PPP3CA: variants seen among roughly 807,000 people sequenced by gnomAD.
The protein encoded by PPP3CA is CAM-PRP catalytic subunit.
A neutral mutation model predicts 66.5 loss-of-function variants in PPP3CA; 14 were observed. The ratio of observed to expected loss-of-function variants is 0.21; its 90% CI spans 0.14 to 0.33. PPP3CA has a LOEUF of 0.33. PPP3CA is among the 10% of genes least tolerant of loss of function. PPP3CA has a pLI of 1.00. For synonymous variants in PPP3CA, 232 were observed against 226.2 expected (o/e 1.03, Z -0.23); for missense variants, 317 against 639.5 (o/e 0.50, Z 5.44).
chr4:101,240,642 C>T (rs1726275383), intron 1 of PPP3CA, among the ~76,000 whole-genome samples: 1 of 152,010 alleles, frequency 6.6e-6, no homozygotes, highest in African/African-American at 2.4e-5. Flanking sequence ...TAAAAAGACA[C>T]ATCAGAATTT....
At chr4:101,138,952 G>A (rs73833224) in intron 2 of PPP3CA, among the ~76,000 whole-genome samples, 13,709 of 152,110 alleles carry the variant, frequency 0.09, 1,149 homozygotes, top group East Asian at 0.3. Flanking sequence ...AACCTAACAT[G>A]TGAAAAACAC....
chr4:101,237,784 C>G (rs1726175103), intron 1 of PPP3CA, among the ~76,000 whole-genome samples: 1 of 152,096 alleles, frequency 6.6e-6, no homozygotes, highest in Admixed American at 6.6e-5. Context: ...GCCAGATCCC[C>G]TAGTCAGGAT....
chr4:101,224,402 T>A (rs890637712), intron 1 of PPP3CA, among the ~76,000 whole-genome samples: 7 of 151,886 alleles, frequency 4.6e-5, no homozygotes, highest in African/African-American at 1.7e-4. Context: ...CTTTACTCCT[T>A]CTTCTCTGCA....
At chr4:101,153,708 G>C (rs1294065795) in intron 2 of PPP3CA, among the ~76,000 whole-genome samples, 1 of 152,088 alleles carries the variant, frequency 6.6e-6, no homozygotes, top group Non-Finnish European at 1.5e-5. Context: ...AAAACAAACA[G>C]CTCCCACAGG....
At chr4:101,174,271 C>T (rs1412132523) in intron 2 of PPP3CA, among the ~76,000 whole-genome samples, 1 of 151,930 alleles carries the variant, frequency 6.6e-6, no homozygotes, top group Non-Finnish European at 1.5e-5. Context: ...AAAATTGGCT[C>T]TTTTGAAACA....
intron 1 of PPP3CA, among the ~76,000 whole-genome samples, chr4:101,200,602 C>CT (rs772296880): frequency 6.6e-6 from 1 of 152,154 alleles, no homozygotes; most frequent in East Asian, 1.9e-4. Flanking sequence ...TATTTTCCTC[C>CT]TTTTTTTCCC....
chr4:101,199,817 A>G (rs1303245499), intron 1 of PPP3CA, among the ~76,000 whole-genome samples: 2 of 152,204 alleles, frequency 1.3e-5, no homozygotes, highest in African/African-American at 2.4e-5. Flanking sequence ...GAGTTTATCT[A>G]TCTGATACGG....
intron 1 of PPP3CA, among the ~76,000 whole-genome samples, chr4:101,288,637 T>C (rs1172870022): frequency 1.3e-5 from 2 of 151,440 alleles, no homozygotes; most frequent in Admixed American, 1.3e-4. Flanking sequence ...AATAACAAAA[T>C]AGTGCTACCA....
intron 1 of PPP3CA, among the ~76,000 whole-genome samples, chr4:101,324,252 G>A (rs1007950012): frequency 2.0e-5 from 3 of 151,026 alleles, no homozygotes; most frequent in Admixed American, 6.6e-5. Flanking sequence ...GGAAGGAAAC[G>A]AAACAGAGGC....
chr4:101,347,338 C>CTGCCGCTGCCGCTGT lies in PPP3CA; in HGVS notation c.-557_-543dup, dbSNP rs1159328830. On this transcript the variant is annotated 5_prime_UTR_variant, in exon 1 of 14. Transcript: ENST00000394854. ...GCGGCCGCCGCTGCTGCCGCTGCTG[C>CTGCCGCTGCCGCTGT]TGCCGCTGCCGCTGTTGCTGCTGCC... 3.9e-5 allele frequency: 8 copies of CTGCCGCTGCCGCTGT among 204,286 alleles called. No individual in the cohort carries two copies. The highest frequency in any genetic ancestry group is 2.1e-4 in the South Asian group (3 of 14,550). The allele number at this position is 204,286 out of a possible 1,614,324, so 12.7% of individuals were successfully genotyped here. A position where few individuals can be genotyped will look rare whatever the true frequency, so the allele number is the denominator to read the frequency against.
chr4:101,125,830 C>A (rs933307454), intron 2 of PPP3CA, among the ~76,000 whole-genome samples: 7 of 152,138 alleles, frequency 4.6e-5, no homozygotes, highest in African/African-American at 1.7e-4. Context: ...ATTTATATTA[C>A]AGATCTAAAT....
intron 10 of PPP3CA, among the ~76,000 whole-genome samples, chr4:101,040,883 C>T (rs1212354366): frequency 2.0e-5 from 3 of 152,084 alleles, no homozygotes; most frequent in African/African-American, 7.2e-5. Context: ...AATTGACTTT[C>T]CCCTTCTTTT....
rs930278083 is a variant in PPP3CA at position 101,024,358 on chromosome 4, T to C, written c.*1507A>G. The C allele has an allele frequency of 6.5e-6, 1 of 152,678 alleles. No homozygotes were observed. The highest frequency in any genetic ancestry group is 2.4e-5 in the African/African-American group (1 of 41,454). 9.5% of individuals were successfully genotyped at this position (152,678 alleles called of 1,614,324 possible). On this transcript the variant is annotated 3_prime_UTR_variant, in exon 14 of 14. Transcript: ENST00000394854. ...TCATGCACATTTTATTGAGTAGTAATATAAAATGCTTTTTCTTTTTCATTG... is the reference window on the plus strand; with the variant it reads ...TCATGCACATTTTATTGAGTAGTAACATAAAATGCTTTTTCTTTTTCATTG...
chr4:101,178,858 T>G (rs1009982162), intron 2 of PPP3CA, among the ~76,000 whole-genome samples: 3 of 152,088 alleles, frequency 2.0e-5, no homozygotes, highest in Non-Finnish European at 4.4e-5. Flanking sequence ...CTTGTCCTAA[T>G]TCCTCAGATT....
intron 2 of PPP3CA, among the ~76,000 whole-genome samples, chr4:101,137,192 T>C (rs554384806): frequency 6.6e-6 from 1 of 152,304 alleles, no homozygotes; most frequent in Non-Finnish European, 1.5e-5. Context: ...ATTTGCTTAA[T>C]GGAGTACAGG....
chr4:101,232,432 A>T (rs914473121), intron 1 of PPP3CA, among the ~76,000 whole-genome samples: 6 of 151,754 alleles, frequency 4.0e-5, no homozygotes, highest in Non-Finnish European at 8.8e-5. Flanking sequence ...CTTCAAAAAA[A>T]AATTGTAGCT....
At position 101,320,575 on chromosome 4, in the gene PPP3CA, T is replaced by C. The variant is rs541790243; in HGVS notation, c.58+26164A>G. Among the ~76,000 whole-genome samples, 41 of 152,048 alleles carry C rather than the reference T, an allele frequency of 2.7e-4. 1 individual carries two copies. The South Asian group carries it at 5.0e-3, about 18-fold the overall frequency. ...GCGGAGGGGCTTGGATTCCAGGTGA[T>C]TGGTCATGTTTCTTAGAAAGAAATA... On this transcript the variant is annotated intron_variant, in intron 1 of 13. Coordinates refer to ENST00000394854, the MANE Select transcript of PPP3CA (RefSeq NM_000944.5).
chr4:101,130,577 A>T (rs532948842), intron 2 of PPP3CA, among the ~76,000 whole-genome samples: 90 of 152,324 alleles, frequency 5.9e-4, no homozygotes, highest in African/African-American at 1.9e-3. Flanking sequence ...ACAAGCCAGA[A>T]GAGAGTGGGG....
chr4:101,113,660 A>T (rs1391742150), intron 2 of PPP3CA, among the ~76,000 whole-genome samples: 1 of 152,082 alleles, frequency 6.6e-6, no homozygotes, highest in Admixed American at 6.6e-5. Context: ...CACCATTTTG[A>T]TATCAAATTT....
Sources: allele counts gnomAD v4.1 joint callset (sites outside exome capture counted in the v4.1 genomes callset), GRCh38; gene constraint gnomAD v4.1.1; transcripts MANE v1.5; gene names NCBI Gene and HGNC (gene_info 2026-07-23, HGNC 2026-07-21).